The following DNAJC1 variants were observed in gnomAD, a reference collection of about 807,000 sequenced individuals.
The protein encoded by DNAJC1 is dnaJ homolog subfamily C member 1.
In DNAJC1, 58 loss-of-function variants were observed where a neutral mutation model predicts 76.6. The ratio of observed to expected loss-of-function variants is 0.76; its 90% CI spans 0.61 to 0.94. DNAJC1 has a LOEUF of 0.94. Ranked by LOEUF, DNAJC1 falls within the 40% of genes least tolerant of loss-of-function variation. The probability of loss-of-function intolerance (pLI) is 0.00; values close to 1 mark genes in which losing one functional copy is unlikely to be tolerated. For synonymous variants in DNAJC1, 258 were observed against 267.9 expected (o/e 0.96, Z 0.36); for missense variants, 689 against 677.3 (o/e 1.02, Z -0.19).
chr10:21,809,068 A>G (rs1312815594), intron 8 of DNAJC1, among the ~76,000 whole-genome samples: 1 of 152,144 alleles, frequency 6.6e-6, no homozygotes, highest in Non-Finnish European at 1.5e-5. Flanking sequence ...TTTGGGATGG[A>G]TTTTTGCCAT....
intron 9 of DNAJC1, among the ~76,000 whole-genome samples, chr10:21,781,629 G>C (rs1217357954): frequency 6.7e-6 from 1 of 149,402 alleles, no homozygotes; most frequent in Non-Finnish European, 1.5e-5. Flanking sequence ...GCTGAGGCAG[G>C]AGAATGGCGT....
chr10:21,990,309 G>A (rs1445601170), intron 1 of DNAJC1, among the ~76,000 whole-genome samples: 2 of 152,064 alleles, frequency 1.3e-5, no homozygotes, highest in Non-Finnish European at 2.9e-5. Flanking sequence ...ATCTTCTTTA[G>A]GGTGGCCTTG....
intron 8 of DNAJC1, among the ~76,000 whole-genome samples, chr10:21,835,899 T>C (rs900490426): frequency 1.3e-5 from 2 of 152,098 alleles, no homozygotes; most frequent in Non-Finnish European, 2.9e-5. Context: ...TGGAAAACAC[T>C]CTGCAGGATA....
At chr10:21,839,923 C>T (rs1372143645) in intron 8 of DNAJC1, among the ~76,000 whole-genome samples, 1 of 152,174 alleles carries the variant, frequency 6.6e-6, no homozygotes, top group Non-Finnish European at 1.5e-5. Flanking sequence ...GGGCTTCATC[C>T]CTGGGATGCA....
At chr10:21,856,657 A>C (rs1835838017) in intron 8 of DNAJC1, among the ~76,000 whole-genome samples, 1 of 152,168 alleles carries the variant, frequency 6.6e-6, no homozygotes, top group Non-Finnish European at 1.5e-5. Context: ...TTTGATAAAG[A>C]GGGCTGGTTT....
intron 8 of DNAJC1, among the ~76,000 whole-genome samples, chr10:21,866,169 A>G (rs1305589287): frequency 2.0e-5 from 3 of 150,372 alleles, no homozygotes; most frequent in African/African-American, 7.3e-5. Flanking sequence ...CATAGACAAG[A>G]GGTACAAAAG....
At chr10:22,001,147 T>A (rs1274616634) in intron 1 of DNAJC1, among the ~76,000 whole-genome samples, 1 of 152,222 alleles carries the variant, frequency 6.6e-6, no homozygotes, top group Non-Finnish European at 1.5e-5. Context: ...ACCAAACAAA[T>A]CTCTGTTGCG....
intron 7 of DNAJC1, among the ~76,000 whole-genome samples, chr10:21,893,773 A>G (rs149127543): frequency 6.6e-6 from 1 of 152,108 alleles, no homozygotes; most frequent in Non-Finnish European, 1.5e-5. Flanking sequence ...AAATTATAAA[A>G]AGAAGACCAA....
At chr10:21,834,526 G>A (rs907321568) in intron 8 of DNAJC1, among the ~76,000 whole-genome samples, 2 of 152,200 alleles carry the variant, frequency 1.3e-5, no homozygotes, top group Non-Finnish European at 2.9e-5. Flanking sequence ...GCGAGGCATC[G>A]CCTCACCCTG....
intron 8 of DNAJC1, among the ~76,000 whole-genome samples, chr10:21,822,378 G>T (rs547286636): frequency 1.2e-4 from 18 of 152,190 alleles, no homozygotes; most frequent in African/African-American, 4.3e-4. Flanking sequence ...GGCGGAGGTT[G>T]CAGTGAGCTG....
chr10:21,840,725 C>T lies in DNAJC1; in HGVS notation c.979-34626G>A, dbSNP rs558559928. On this transcript the variant is annotated intron_variant, in intron 8 of 11. Coordinates refer to ENST00000376980, the MANE Select transcript of DNAJC1 (RefSeq NM_022365.4). ...GCCATCCCCATCAAGCTACCAATGA[C>T]TTTCTTCACAGAACTGGAAAAAAAC... Among the ~76,000 whole-genome samples the T allele has an allele frequency of 3.3e-5, 5 of 152,318 alleles. No homozygotes were observed. In the East Asian group the frequency reaches 9.6e-4, roughly 29 times the overall value.
intron 8 of DNAJC1, among the ~76,000 whole-genome samples, chr10:21,872,036 C>T (rs1260366873): frequency 4.6e-5 from 7 of 150,942 alleles, no homozygotes; most frequent in Non-Finnish European, 1.0e-4. Context: ...CTGAGGAAGA[C>T]CAGACAATGA....
intron 9 of DNAJC1, among the ~76,000 whole-genome samples, chr10:21,785,993 A>C (rs1273581633): frequency 6.6e-6 from 1 of 152,182 alleles, no homozygotes; most frequent in Admixed American, 6.5e-5. Flanking sequence ...TTCAGGCTCC[A>C]TTTAACGTAG....
At chr10:21,983,614 G>A (rs1365571260) in intron 1 of DNAJC1, among the ~76,000 whole-genome samples, 1 of 152,040 alleles carries the variant, frequency 6.6e-6, no homozygotes, top group Non-Finnish European at 1.5e-5. Context: ...CCAGCTACTG[G>A]GGAGGCTGAG....
chr10:21,782,032 A>G (rs981793711), intron 9 of DNAJC1, among the ~76,000 whole-genome samples: 2 of 152,194 alleles, frequency 1.3e-5, no homozygotes, highest in African/African-American at 2.4e-5. Context: ...AAGGCAAGAA[A>G]TAACTAAGAT....
chr10:21,823,063 A>C (rs1471207123), intron 8 of DNAJC1, among the ~76,000 whole-genome samples: 1 of 152,088 alleles, frequency 6.6e-6, no homozygotes. Flanking sequence ...AAACATAATA[A>C]AGAGGAGTAA....
chr10:21,777,561 C>A (rs984321227), intron 9 of DNAJC1, among the ~76,000 whole-genome samples: 1 of 152,170 alleles, frequency 6.6e-6, no homozygotes, highest in African/African-American at 2.4e-5. Flanking sequence ...AATTTATCCT[C>A]CTTTAGCCCA....
At position 21,859,297 on chromosome 10, in the gene DNAJC1, G is replaced by A. The variant is rs563332571; in HGVS notation, c.978+22985C>T. ...TTGAATGTTTTTGCCCTAAAAAGTG[G>A]CTATTGCATATGACTAAATTAAACA... On this transcript the variant is annotated intron_variant, in intron 8 of 11. Coordinates refer to ENST00000376980, the MANE Select transcript of DNAJC1 (RefSeq NM_022365.4). Among the ~76,000 whole-genome samples the A allele has an allele frequency of 3.9e-5, 6 of 152,162 alleles. No individual in the cohort carries two copies. In the South Asian group the frequency reaches 1.2e-3, roughly 32 times the overall value.
chr10:21,831,554 G>A (rs920700581), intron 8 of DNAJC1, among the ~76,000 whole-genome samples: 22 of 152,156 alleles, frequency 1.4e-4, no homozygotes, highest in Non-Finnish European at 2.1e-4. Flanking sequence ...ACTTTGGGAG[G>A]CTGAGATGGG....
Sources: gnomAD v4.1 joint callset for allele counts (sites outside exome capture counted in the v4.1 genomes callset) on GRCh38, gnomAD v4.1.1 for gene constraint, MANE v1.5 for transcripts, NCBI Gene and HGNC (gene_info 2026-07-23, HGNC 2026-07-21) for gene names.